Variants in UST observed in about 807,000 individuals in gnomAD.
UST encodes uronyl 2-sulfotransferase.
In UST, 21 loss-of-function variants were observed where a neutral mutation model predicts 45.6. The ratio of observed to expected loss-of-function variants is 0.46; its 90% CI spans 0.33 to 0.66. The LOEUF (loss-of-function observed/expected upper bound fraction) is 0.66, where lower values mean the gene tolerates loss of function less well. UST is among the 30% of genes least tolerant of loss of function. The pLI, the probability that UST is intolerant of heterozygous loss-of-function variation, is 0.02. For synonymous variants in UST, 215 were observed against 200.6 expected, an observed-to-expected ratio of 1.07 and a Z score of -0.61; for missense variants, 463 against 512.4, an observed-to-expected ratio of 0.90 and a Z score of 0.93.
chr6:148,899,375 A>C (rs1053259208), intron 2 of UST, among the ~76,000 whole-genome samples: 6 of 152,208 alleles, frequency 3.9e-5, no homozygotes, highest in Non-Finnish European at 8.8e-5. Flanking sequence ...CTGGGATTAC[A>C]GGCGTGAGCC....
At chr6:149,041,667 C>T (rs1462757630) in intron 7 of UST, among the ~76,000 whole-genome samples, 3 of 152,170 alleles carry the variant, frequency 2.0e-5, no homozygotes, top group African/African-American at 7.2e-5. Flanking sequence ...TTGTTCTCTC[C>T]CACAACTGGA....
intron 2 of UST, among the ~76,000 whole-genome samples, chr6:148,905,246 C>T (rs1187022846): frequency 6.6e-6 from 1 of 152,180 alleles, no homozygotes; most frequent in African/African-American, 2.4e-5. Flanking sequence ...TCCCTGGTCC[C>T]TGACACCCTG....
At chr6:148,979,230 G>A (rs957905037) in intron 5 of UST, among the ~76,000 whole-genome samples, 2 of 152,044 alleles carry the variant, frequency 1.3e-5, no homozygotes, top group African/African-American at 4.8e-5. Context: ...CCATGGGTGT[G>A]GTTTCCCTGG....
At chr6:149,039,450 T>C (rs1380267325) in intron 7 of UST, among the ~76,000 whole-genome samples, 1 of 152,110 alleles carries the variant, frequency 6.6e-6, no homozygotes, top group Non-Finnish European at 1.5e-5. Context: ...GGTCTCAAAC[T>C]CCCGACCTTA....
At chr6:148,886,304 T>A (rs1477556708) in intron 1 of UST, among the ~76,000 whole-genome samples, 2 of 152,200 alleles carry the variant, frequency 1.3e-5, no homozygotes, top group Non-Finnish European at 2.9e-5. Context: ...GTATTTGCAT[T>A]AAATAGATAA....
intron 7 of UST, among the ~76,000 whole-genome samples, chr6:149,050,534 T>C (rs1459338878): frequency 1.3e-5 from 2 of 152,226 alleles, no homozygotes; most frequent in African/African-American, 2.4e-5. Flanking sequence ...AAATGACATT[T>C]GCCTATTTGC....
At chr6:148,953,601 T>G (rs1273956004) in intron 3 of UST, among the ~76,000 whole-genome samples, 1 of 151,994 alleles carries the variant, frequency 6.6e-6, no homozygotes, top group Non-Finnish European at 1.5e-5. Context: ...AAACCCTGTC[T>G]CTACTAAAAA....
intron 1 of UST, among the ~76,000 whole-genome samples, chr6:148,885,567 A>G (rs943580201): frequency 6.6e-6 from 1 of 152,222 alleles, no homozygotes; most frequent in African/African-American, 2.4e-5. Context: ...GTTTGTGTTT[A>G]AGTGTCTTAT....
intron 2 of UST, among the ~76,000 whole-genome samples, chr6:148,937,171 C>T (rs1214744106): frequency 3.3e-5 from 5 of 152,124 alleles, no homozygotes; most frequent in East Asian, 1.9e-4. Flanking sequence ...GGTTTACTTA[C>T]GTTTGTGGTA....
chr6:148,796,552 A>T (rs1776951187), intron 1 of UST, among the ~76,000 whole-genome samples: 1 of 133,472 alleles, frequency 7.5e-6, no homozygotes, highest in Admixed American at 8.5e-5. Flanking sequence ...TGAACCTGGG[A>T]GGCGGAGGTT....
intron 5 of UST, among the ~76,000 whole-genome samples, chr6:148,989,151 AAGCTACT>A (rs771030231): frequency 2.9e-4 from 44 of 152,080 alleles, no homozygotes; most frequent in Non-Finnish European, 5.1e-4. Context: ...ACTTCTGAAG[AAGCTACT>A]TCTGGTCTGT....
At position 148,806,496 on chromosome 6, in the gene UST, C is replaced by CTTT. The variant is rs10660534; in HGVS notation, c.247+58828_247+58830dup. Among the ~76,000 whole-genome samples, 909 of 147,576 alleles carry CTTT rather than the reference C, an allele frequency of 6.2e-3. 4 individuals are homozygous for CTTT. The highest frequency in any genetic ancestry group is 0.017 in the Middle Eastern group (5 of 286). ...TGGGACTACAGGCACACACCACTGG[C>CTTT]TTTTTTTTTTTGGTATTTTAGTAGA... On this transcript the variant is annotated intron_variant, in intron 1 of 7. Coordinates refer to ENST00000367463, the MANE Select transcript of UST (RefSeq NM_005715.3).
Position 148,790,573 on chromosome 6 carries a change from G to T in UST, c.247+42896G>T, listed in dbSNP as rs1776824472. 1.3e-5 allele frequency among the ~76,000 whole-genome samples: 2 copies of T among 152,202 alleles called. No homozygotes were observed. The highest frequency in any genetic ancestry group is 4.1e-4 in the South Asian group (2 of 4,836). ...GTTAAGGTGCTGTAGCGGATGCTGT[G>T]ATGTGCCACCGTTCAGAGAGGCACT... On this transcript the variant is annotated intron_variant, in intron 1 of 7. Transcript: ENST00000367463. This position sits in a 1 kb window ranked among gnomAD's most constrained non-coding sequence, Gnocchi z 4.2.
intron 5 of UST, among the ~76,000 whole-genome samples, chr6:148,972,956 C>T (rs779139627): frequency 1.1e-4 from 16 of 152,012 alleles, no homozygotes; most frequent in Non-Finnish European, 2.2e-4. Flanking sequence ...GAATTAACAA[C>T]GTATCCGTTC....
chr6:148,890,242 T>C (rs754296894), intron 2 of UST, among the ~76,000 whole-genome samples: 11 of 152,126 alleles, frequency 7.2e-5, no homozygotes, highest in Admixed American at 3.9e-4. Flanking sequence ...AGGGTGGAAA[T>C]GAATCTCAGA....
At chr6:149,012,554 G>T (rs1043753783) in intron 5 of UST, among the ~76,000 whole-genome samples, 1 of 152,170 alleles carries the variant, frequency 6.6e-6, no homozygotes, top group Non-Finnish European at 1.5e-5. Context: ...TTTAGCGTGT[G>T]AAGACTGGCT....
At chr6:148,771,689 C>T (rs1776429621) in intron 1 of UST, among the ~76,000 whole-genome samples, 1 of 152,146 alleles carries the variant, frequency 6.6e-6, no homozygotes, top group Non-Finnish European at 1.5e-5. Context: ...AACAGGTGCT[C>T]CATGCCCCAA....
chr6:149,030,179 G>A (rs549822487), intron 7 of UST, among the ~76,000 whole-genome samples: 26 of 151,992 alleles, frequency 1.7e-4, no homozygotes, highest in African/African-American at 6.0e-4. Flanking sequence ...TCACAGTCTC[G>A]CCAAGTCCTA....
At position 148,887,127 on chromosome 6, in the gene UST, C is replaced by A. The variant is rs185864576; in HGVS notation, c.291+98C>A. 1.8e-3 allele frequency: 1,639 copies of A among 930,634 alleles called. 5 individuals are homozygous for A. The highest frequency in any genetic ancestry group is 2.4e-3 in the Non-Finnish European group (1,411 of 586,996). 57.6% of individuals were successfully genotyped at this position (930,634 alleles called of 1,614,324 possible). On this transcript the variant is annotated intron_variant, in intron 2 of 7. Transcript: ENST00000367463. ...ATCTCTCCTGGACACGAATCATTCA[C>A]AAGAAACAGTAGATGACATATGTGA...
Sources: allele counts gnomAD v4.1 joint callset (sites outside exome capture counted in the v4.1 genomes callset), GRCh38; gene constraint gnomAD v4.1.1; non-coding constraint Gnocchi (gnomAD v3.1); transcripts MANE v1.5; gene names NCBI Gene and HGNC (gene_info 2026-07-23, HGNC 2026-07-21).